CNTN6: variants seen among roughly 807,000 people sequenced by gnomAD.
CNTN6 encodes the protein contactin 6, also known as contactin-6.
CNTN6 carries 137 observed loss-of-function variants against 122.8 expected under a neutral mutation model. The ratio of observed to expected loss-of-function variants is 1.12; its 90% CI spans 0.97 to 1.29. CNTN6 has a LOEUF of 1.29. Among genes scored for constraint, CNTN6 ranks in the 50% most tolerant of loss-of-function variants. The pLI, the probability that CNTN6 is intolerant of heterozygous loss-of-function variation, is 0.00. For synonymous variants in CNTN6, 570 were observed against 426.0 expected (o/e 1.34, Z -4.16); for missense variants, 1,634 against 1,223.4 (o/e 1.34, Z -5.01).
intron 20 of CNTN6, among the ~76,000 whole-genome samples, chr3:1,399,864 C>A (rs1403336847): frequency 6.6e-6 from 1 of 152,040 alleles, no homozygotes; most frequent in Non-Finnish European, 1.5e-5. Context: ...AAATGTAAAC[C>A]AATGTGATAA....
At chr3:1,246,961 C>G (rs911109846) in intron 4 of CNTN6, among the ~76,000 whole-genome samples, 1 of 152,056 alleles carries the variant, frequency 6.6e-6, no homozygotes, top group Non-Finnish European at 1.5e-5. Context: ...TCTACTGTGT[C>G]GCTTGCCTTT....
At chr3:1,141,549 G>C (rs550172235) in intron 1 of CNTN6, among the ~76,000 whole-genome samples, 2 of 152,226 alleles carry the variant, frequency 1.3e-5, no homozygotes, top group Admixed American at 1.3e-4. Flanking sequence ...TTTAGTAGTA[G>C]TTTCTACTTT....
intron 1 of CNTN6, among the ~76,000 whole-genome samples, chr3:1,138,053 T>C (rs1270477066): frequency 6.6e-6 from 1 of 152,240 alleles, no homozygotes; most frequent in Non-Finnish European, 1.5e-5. Context: ...CATACTCATT[T>C]CTTTTCACTG....
chr3:1,158,903 CAT>C (rs1292014447), intron 2 of CNTN6, among the ~76,000 whole-genome samples: 3 of 124,168 alleles, frequency 2.4e-5, no homozygotes, highest in Admixed American at 8.1e-5. Context: ...TATATATACA[CAT>C]ATATATACAC....
rs545909931 is a variant in CNTN6 at position 1,273,275 on chromosome 3, T to C, written c.359-5138T>C. On this transcript the variant is annotated intron_variant, in intron 4 of 22. Transcript: ENST00000446702. Reference sequence around the variant, plus strand: ...TCTATGAGAATATCTCCAAATATTATAGAATTTGAGACCATCTCAGAGAAC... The same window carrying C: ...TCTATGAGAATATCTCCAAATATTACAGAATTTGAGACCATCTCAGAGAAC... Among the ~76,000 whole-genome samples the C allele has an allele frequency of 2.0e-5, 3 of 152,342 alleles. No homozygotes were observed. In the South Asian group the frequency reaches 6.2e-4, roughly 32 times the overall value.
chr3:1,372,534 C>G, intron 13 of CNTN6, 60 bp downstream of exon 13: 1 of 1,339,188 alleles, frequency 7.5e-7, no homozygotes, highest in Non-Finnish European at 1.0e-6. Context: ...ACATGAATCA[C>G]CATTTTTCAT....
chr3:1,172,018 TCTTGAGTCC>T (rs1409351320), intron 2 of CNTN6, among the ~76,000 whole-genome samples: 1 of 152,166 alleles, frequency 6.6e-6, no homozygotes, highest in Non-Finnish European at 1.5e-5. Context: ...CCATTGAAGC[TCTTGAGTCC>T]CTTGACATGG....
At chr3:1,118,101 G>A (rs750624673) in intron 1 of CNTN6, among the ~76,000 whole-genome samples, 1 of 152,116 alleles carries the variant, frequency 6.6e-6, no homozygotes, top group Non-Finnish European at 1.5e-5. Context: ...TATATGCTCC[G>A]TACTTAGTAA....
At chr3:1,379,346 A>G (rs1710329095) in intron 17 of CNTN6, among the ~76,000 whole-genome samples, 1 of 152,148 alleles carries the variant, frequency 6.6e-6, no homozygotes, top group Non-Finnish European at 1.5e-5. Context: ...TTGCTGTTGC[A>G]TGAGACCATA....
At chr3:1,166,504 T>C (rs1474434211) in intron 2 of CNTN6, among the ~76,000 whole-genome samples, 2 of 152,198 alleles carry the variant, frequency 1.3e-5, no homozygotes, top group Non-Finnish European at 2.9e-5. Flanking sequence ...TTAAAATTTT[T>C]TTTAAGAAAA....
rs377276091 is a variant in CNTN6, at chr3:1,268,855, C to A, written c.359-9558C>A. On this transcript the variant is annotated intron_variant, in intron 4 of 22. Transcript: ENST00000446702. ...TTCAAGCTGGGATTGGTGGCACACA[C>A]CTGTAATCCTAGCTACTCAGAAGGC... is the stretch of plus-strand genomic sequence containing the variant. 9.2e-5 allele frequency among the ~76,000 whole-genome samples: 14 copies of A among 152,022 alleles called. 1 individual carries two copies. The highest frequency in any genetic ancestry group is 3.1e-4 in the African/African-American group (13 of 41,470).
chr3:1,110,826 T>C (rs138013533), intron 1 of CNTN6, among the ~76,000 whole-genome samples: 136 of 152,300 alleles, frequency 8.9e-4, no homozygotes, highest in African/African-American at 3.0e-3. Flanking sequence ...TGCATTCCTC[T>C]GTCATGAGAA....
intron 4 of CNTN6, among the ~76,000 whole-genome samples, chr3:1,245,308 ATAT>A (rs2094564268): frequency 6.4e-5 from 1 of 15,662 alleles, no homozygotes; most frequent in East Asian, 2.4e-3. Flanking sequence ...ATATATATAT[ATAT>A]ATATATATAT....
chr3:1,177,532 C>A (rs1272535787), intron 2 of CNTN6, among the ~76,000 whole-genome samples: 1 of 152,104 alleles, frequency 6.6e-6, no homozygotes, highest in African/African-American at 2.4e-5. Context: ...CACCTTTTTT[C>A]TGCCTGAAGA....
At chr3:1,157,782 T>G (rs944049703) in intron 2 of CNTN6, among the ~76,000 whole-genome samples, 7 of 152,108 alleles carry the variant, frequency 4.6e-5, no homozygotes, top group Non-Finnish European at 8.8e-5. Context: ...TGACTTAGCT[T>G]AATGACCTCC....
chr3:1,387,248 TG>T (rs1290246701), intron 20 of CNTN6, among the ~76,000 whole-genome samples: 2 of 152,226 alleles, frequency 1.3e-5, no homozygotes, highest in Non-Finnish European at 2.9e-5. Flanking sequence ...CAAAAATTTT[TG>T]AACCAAATTT....
chr3:1,402,546 T>A (rs1008972731), intron 22 of CNTN6, 60 bp downstream of exon 22: 14 of 1,432,606 alleles, frequency 9.8e-6, no homozygotes, highest in Non-Finnish European at 1.3e-5. Context: ...AGCATGAAAT[T>A]CAGCTCCATG....
chr3:1,294,508 G>T (rs368174076), intron 5 of CNTN6, among the ~76,000 whole-genome samples: 4 of 152,090 alleles, frequency 2.6e-5, no homozygotes, highest in Non-Finnish European at 4.4e-5. Flanking sequence ...ATGGTTACAG[G>T]GGGTATATAA....
intron 1 of CNTN6, among the ~76,000 whole-genome samples, chr3:1,094,442 C>A (rs907463154): frequency 3.3e-5 from 5 of 151,586 alleles, no homozygotes; most frequent in African/African-American, 1.2e-4. Context: ...CTGTGCAGTC[C>A]AAAGATTTCA....
Sources: allele counts gnomAD v4.1 joint callset (sites outside exome capture counted in the v4.1 genomes callset), GRCh38; gene constraint gnomAD v4.1.1; transcripts MANE v1.5; gene names NCBI Gene and HGNC (gene_info 2026-07-23, HGNC 2026-07-21).